Variants in ATXN2 observed in about 807,000 individuals in gnomAD.
ATXN2 encodes ataxin-2.
Under a neutral mutation model 138.6 loss-of-function variants are expected in ATXN2, and 37 were observed. That is an observed-to-expected ratio of 0.27 (90% CI 0.21 to 0.35). ATXN2 has a LOEUF of 0.35. Among genes scored for constraint, ATXN2 ranks in the 10% least tolerant of loss-of-function variants. The probability of loss-of-function intolerance (pLI) is 1.00; values close to 1 mark genes in which losing one functional copy is unlikely to be tolerated. For synonymous variants in ATXN2, 549 were observed against 543.7 expected, an observed-to-expected ratio of 1.01 and a Z score of -0.13; for missense variants, 1,216 against 1,480.3, an observed-to-expected ratio of 0.82 and a Z score of 2.93.
Position 111,453,557 on chromosome 12 carries a change from T to C in ATXN2, c.3439+120A>G. 1 of 1,441,550 alleles carries C rather than the reference T, an allele frequency of 6.9e-7. No individual in the cohort carries two copies. The highest frequency in any genetic ancestry group is 9.1e-7 in the Non-Finnish European group (1 of 1,097,946). The allele number at this position is 1,441,550 out of a possible 1,614,324, so 89.3% of individuals were successfully genotyped here. On this transcript the variant is annotated intron_variant, in intron 24 of 24. Coordinates refer to ENST00000673436, the MANE Select transcript of ATXN2 (RefSeq NM_001372574.1). This position sits in a 1 kb window ranked among gnomAD's most constrained non-coding sequence, Gnocchi z 5.4. ...TCACAGTCCCTCCTGTGCACACTCC[T>C]GGACGGGTCTTGCTAGTTCTCAAAT...
At chr12:111,520,401 C>T (rs1880089091) in intron 7 of ATXN2, among the ~76,000 whole-genome samples, 2 of 152,100 alleles carry the variant, frequency 1.3e-5, no homozygotes, top group South Asian at 4.1e-4. Context: ...ACCTGTAATC[C>T]CAGCACTTTG....
At chr12:111,563,326 T>G (rs1179058974) in intron 1 of ATXN2, among the ~76,000 whole-genome samples, 6 of 152,144 alleles carry the variant, frequency 3.9e-5, no homozygotes, top group Non-Finnish European at 7.4e-5. Context: ...TGTATATATA[T>G]ATGTAGAATA....
chr12:111,454,834 T>C, intron 23 of ATXN2: 1 of 520,044 alleles, frequency 1.9e-6, no homozygotes, highest in Non-Finnish European at 3.5e-6. Flanking sequence ...TAAGTTCACA[T>C]GCCTACTTAG....
intron 14 of ATXN2, among the ~76,000 whole-genome samples, chr12:111,506,552 T>C (rs931534780): frequency 1.3e-5 from 2 of 152,026 alleles, no homozygotes; most frequent in African/African-American, 4.8e-5. Flanking sequence ...GACTGAATGA[T>C]GTTAAAAAAA....
intron 1 of ATXN2, among the ~76,000 whole-genome samples, chr12:111,586,784 G>A (rs1437570987): frequency 6.6e-6 from 1 of 152,034 alleles, no homozygotes; most frequent in Non-Finnish European, 1.5e-5. Context: ...GCCTCCCAAA[G>A]TGCTGGGATT....
At chr12:111,514,566 C>T (rs1566036145) in intron 10 of ATXN2, among the ~76,000 whole-genome samples, 1 of 152,062 alleles carries the variant, frequency 6.6e-6, no homozygotes, top group Non-Finnish European at 1.5e-5. Flanking sequence ...TCTCTGTCGC[C>T]CAGGCTGGAG....
At chr12:111,489,484 G>T (rs1877875538) in intron 14 of ATXN2, among the ~76,000 whole-genome samples, 1 of 152,074 alleles carries the variant, frequency 6.6e-6, no homozygotes, top group Non-Finnish European at 1.5e-5. Flanking sequence ...ATGGTGGCAG[G>T]CGCCTATAGT....
chr12:111,510,570 G>C lies in ATXN2; in HGVS notation c.1571C>G (p.Ser524Cys). 1 of 1,608,318 alleles carries C rather than the reference G, an allele frequency of 6.2e-7. No homozygotes were observed. Among genetic ancestry groups the C allele is most frequent in the Non-Finnish European group, 8.5e-7 (1 of 1,176,300 alleles). ...AGACCTGGGTCTATGAGTTTTAGGG[G>C]ATAATCTTGGAACTAGAAGAAAGGG... Reference protein sequence around the residue: ...SSVVSGVPRLSPKTHRPRSPR... With the variant: ...SSVVSGVPRLCPKTHRPRSPR... The change falls in exon 12 of 25, where the codon TCC becomes TGC. Residue 524 changes from serine (S) to cysteine (C), a missense_variant. Physicochemically the swap from Ser to Cys is moderately radical, Grantham distance 112 (BLOSUM62 -1). Coordinates refer to ENST00000673436, the MANE Select transcript of ATXN2 (RefSeq NM_001372574.1).
Position 111,456,143 on chromosome 12 carries a change from G to A in ATXN2, c.3156C>T (p.Asn1052=). 1 of 1,614,270 alleles carries A rather than the reference G, an allele frequency of 6.2e-7. No homozygotes were observed. The highest frequency in any genetic ancestry group is 8.5e-7 in the Non-Finnish European group (1 of 1,180,048). ...GGAAACTATTCTGTGGCGACTGCGT[G>A]TTGGAGGCAGGTGTCATGGAGGGTG... The part of the protein sequence containing the change: ...PTPPSMTPAS[N]TQSPQNSFPA... Residue 1052 remains asparagine, a synonymous_variant, in exon 23 of 25, where the codon AAC becomes AAT. Coordinates refer to ENST00000673436, the MANE Select transcript of ATXN2 (RefSeq NM_001372574.1).
chr12:111,493,027 A>C lies in ATXN2; in HGVS notation c.1936-4247T>G, dbSNP rs571906597. Reference sequence around the variant, plus strand: ...TCAAGCAGAAATCCCAAAGTGGAAAAATTCAATTGACAAACTGAAAAATGC... The same window carrying C: ...TCAAGCAGAAATCCCAAAGTGGAAACATTCAATTGACAAACTGAAAAATGC... On this transcript the variant is annotated intron_variant, in intron 14 of 24. Coordinates refer to ENST00000673436, the MANE Select transcript of ATXN2 (RefSeq NM_001372574.1). Among the ~76,000 whole-genome samples, 8 of 152,300 alleles carry C rather than the reference A, an allele frequency of 5.3e-5. No individual in the cohort carries two copies. The South Asian group carries it at 1.7e-3, about 32-fold the overall frequency.
chr12:111,494,910 T>G (rs1023466402), intron 14 of ATXN2, among the ~76,000 whole-genome samples: 20 of 151,628 alleles, frequency 1.3e-4, no homozygotes, highest in East Asian at 5.8e-4. Context: ...AACCAGATAA[T>G]AAGTAACAAA....
chr12:111,470,776 G>GT, intron 18 of ATXN2, 34 bp from the exon 19 acceptor site: 1 of 1,606,644 alleles, frequency 6.2e-7, no homozygotes, highest in East Asian at 2.2e-5. Flanking sequence ...CTATTAAACA[G>GT]TATCTCCACA....
intron 1 of ATXN2, among the ~76,000 whole-genome samples, chr12:111,589,210 G>A (rs111717860): frequency 0.1 from 15,223 of 151,550 alleles, 2,530 homozygotes; most frequent in African/African-American, 0.35. Flanking sequence ...AGCTACTCAG[G>A]AGGCTGAGGC....
intron 1 of ATXN2, chr12:111,597,999 G>C: frequency 1.7e-6 from 2 of 1,199,964 alleles, no homozygotes; most frequent in Non-Finnish European, 2.1e-6. Context: ...GAGGTCTGGC[G>C]GGGGAAGGAG....
In ATXN2 at chr12:111,517,565, C is replaced by A. The variant is rs140980941; in HGVS notation, c.1165+684G>T. Among the ~76,000 whole-genome samples, 189 of 152,140 alleles carry A rather than the reference C, an allele frequency of 1.2e-3. 1 individual carries two copies. The highest frequency in any genetic ancestry group is 2.7e-3 in the South Asian group (13 of 4,812). On this transcript the variant is annotated intron_variant, in intron 9 of 24. Coordinates refer to ENST00000673436, the MANE Select transcript of ATXN2 (RefSeq NM_001372574.1). ...ATCCATAGAACTGTTGTTCAGTATC[C>A]CTGATTTATGGAAAAGATCCACAAC...
At chr12:111,551,429 TTAAA>T (rs1354944827) in intron 5 of ATXN2, among the ~76,000 whole-genome samples, 3 of 152,196 alleles carry the variant, frequency 2.0e-5, no homozygotes, top group Admixed American at 6.5e-5. Context: ...CAATGGACAC[TTAAA>T]AAGAGACTAA....
At chr12:111,481,266 G>T (rs997174832) in intron 18 of ATXN2, among the ~76,000 whole-genome samples, 8 of 152,128 alleles carry the variant, frequency 5.3e-5, no homozygotes, top group African/African-American at 1.9e-4. Context: ...GAAGCACGGA[G>T]AAGCTCCATC....
chr12:111,577,641 A>G (rs970126474), intron 1 of ATXN2, among the ~76,000 whole-genome samples: 5 of 152,102 alleles, frequency 3.3e-5, no homozygotes, highest in African/African-American at 1.2e-4. Context: ...TTAAAGAAAG[A>G]TATTTTTGAC....
Position 111,598,840 on chromosome 12 carries a change from C to T in ATXN2, c.195G>A (p.Thr65=). Residue 65 remains threonine, a synonymous_variant, in exon 1 of 25, where the codon ACG becomes ACA. Coordinates refer to ENST00000673436, the MANE Select transcript of ATXN2 (RefSeq NM_001372574.1). The surrounding 1 kb of genome is among the most constrained non-coding windows in gnomAD (Gnocchi z 4.5). ...SSSSVSSSSA[T]APSSVVAATS... ...TCGCCGCGACCACCGAGGAGGGAGC[C>T]GTGGCCGAGGACGAGGAGACCGAGG... The T allele has an allele frequency of 1.4e-6, 2 of 1,468,042 alleles. No homozygotes were observed. Among genetic ancestry groups the T allele is most frequent in the Non-Finnish European group, 1.8e-6 (2 of 1,115,306 alleles). 90.9% of individuals were successfully genotyped at this position (1,468,042 alleles called of 1,614,324 possible).
Sources: gnomAD v4.1 joint callset for allele counts (sites outside exome capture counted in the v4.1 genomes callset) on GRCh38, gnomAD v4.1.1 for gene constraint, Gnocchi (gnomAD v3.1) non-coding constraint, MANE v1.5 for transcripts, NCBI Gene and HGNC (gene_info 2026-07-23, HGNC 2026-07-21) for gene names.